Variants in AGK observed in about 807,000 individuals in gnomAD.
The protein encoded by AGK is acylglycerol kinase, mitochondrial.
A neutral mutation model predicts 66.4 loss-of-function variants in AGK; 52 were observed. The observed-to-expected ratio is 0.78, with a 90% CI of 0.63 to 0.99. The LOEUF (loss-of-function observed/expected upper bound fraction) is 0.99. AGK is among the 50% of genes least tolerant of loss of function. The pLI, the probability that AGK is intolerant of heterozygous loss-of-function variation, is 0.00. For synonymous variants in AGK, 182 were observed against 181.1 expected, an observed-to-expected ratio of 1.00 and a Z score of -0.04; for missense variants, 451 against 506.6, an observed-to-expected ratio of 0.89 and a Z score of 1.05.
chr7:141,574,343 A>G (rs935590416), intron 2 of AGK, among the ~76,000 whole-genome samples: 2 of 152,200 alleles, frequency 1.3e-5, no homozygotes, highest in Non-Finnish European at 2.9e-5. Context: ...CAGCATAAAC[A>G]TAGCAGCCAG....
chr7:141,651,995 C>A (rs1231491710), intron 15 of AGK, among the ~76,000 whole-genome samples: 1 of 152,054 alleles, frequency 6.6e-6, no homozygotes, highest in Non-Finnish European at 1.5e-5. Context: ...TATAAAGGAT[C>A]TGGAAGCAGT....
chr7:141,593,262 C>G, intron 3 of AGK, 77 bp downstream of exon 3: 1 of 1,303,468 alleles, frequency 7.7e-7, no homozygotes, highest in South Asian at 1.2e-5. Flanking sequence ...TTTCAGGGGA[C>G]TTGCACAGTG....
chr7:141,574,724 C>T (rs1191390444), intron 2 of AGK, among the ~76,000 whole-genome samples: 1 of 152,172 alleles, frequency 6.6e-6, no homozygotes, highest in Non-Finnish European at 1.5e-5. Context: ...TGGAGAAAAT[C>T]TGAGAAATTA....
intron 5 of AGK, among the ~76,000 whole-genome samples, chr7:141,602,281 C>T (rs909340855): frequency 3.3e-5 from 5 of 151,926 alleles, no homozygotes; most frequent in East Asian, 1.9e-4. Flanking sequence ...TGATCCCCCC[C>T]ACCTTGGCTT....
Position 141,653,141 on chromosome 7 carries a change from G to T in AGK, c.*217G>T, listed in dbSNP as rs1797605934. 3.8e-6 allele frequency: 2 copies of T among 532,538 alleles called. No homozygotes were observed. Among genetic ancestry groups the T allele is most frequent in the South Asian group, 4.9e-5 (2 of 40,982 alleles). 33.0% of individuals were successfully genotyped at this position (532,538 alleles called of 1,614,324 possible). A position where few individuals can be genotyped will look rare whatever the true frequency, so the allele number is the denominator to read the frequency against. On this transcript the variant is annotated 3_prime_UTR_variant, in exon 16 of 16. Transcript: ENST00000649286. Reference sequence around the variant, plus strand: ...ATTAGCGCATGTTTTATTTTGGTGTGACGGTTGGCCCTCCTAAACACGGAC... The same window carrying T: ...ATTAGCGCATGTTTTATTTTGGTGTTACGGTTGGCCCTCCTAAACACGGAC...
At chr7:141,623,400 AAAAG>A (rs1450885552) in intron 9 of AGK, among the ~76,000 whole-genome samples, 5 of 151,462 alleles carry the variant, frequency 3.3e-5, no homozygotes, top group Middle Eastern at 3.4e-3. Context: ...AAAGAAAAAA[AAAAG>A]AAAGAAAAAA....
At position 141,651,517 on chromosome 7, in the gene AGK, G is replaced by A. The variant is rs1396305653; in HGVS notation, c.1047-8G>A. The stretch of plus-strand genomic sequence containing the variant: ...TGGTCTTAAGCTTGCTTTTTCCTGT[G>A]CTCACAGAAGTCGAAAGGTGAGAAA... On this transcript the variant is annotated splice_region_variant and splice_polypyrimidine_tract_variant and intron_variant, in intron 14 of 15. Coordinates refer to ENST00000649286, the MANE Select transcript of AGK (RefSeq NM_018238.4). 4.3e-6 allele frequency: 7 copies of A among 1,614,018 alleles called. No homozygotes were observed. The highest frequency in any genetic ancestry group is 5.1e-6 in the Non-Finnish European group (6 of 1,179,974).
chr7:141,626,586 T>TAA (rs2116984411), intron 9 of AGK, among the ~76,000 whole-genome samples: 1 of 152,362 alleles, frequency 6.6e-6, no homozygotes, highest in East Asian at 1.9e-4. Flanking sequence ...GAGAAGGCTA[T>TAA]AACATCACCT....
At chr7:141,636,366 G>T (rs1367922919) in intron 10 of AGK, among the ~76,000 whole-genome samples, 2 of 152,128 alleles carry the variant, frequency 1.3e-5, no homozygotes, top group African/African-American at 4.8e-5. Context: ...TTGACCCATT[G>T]TATCCATAGA....
intron 9 of AGK, among the ~76,000 whole-genome samples, chr7:141,623,405 A>C (rs913741305): frequency 6.6e-6 from 1 of 151,050 alleles, no homozygotes; most frequent in African/African-American, 2.4e-5. Context: ...AAAAAAAAAG[A>C]AAGAAAAAAA....
At chr7:141,601,388 A>T (rs1485032404) in intron 5 of AGK, 108 bp downstream of exon 5, 2 of 805,510 alleles carry the variant, frequency 2.5e-6, no homozygotes, top group East Asian at 2.6e-5. Flanking sequence ...CAAAGAAATT[A>T]ATGTTGTATC....
intron 2 of AGK, among the ~76,000 whole-genome samples, chr7:141,591,534 G>C: frequency 6.6e-6 from 1 of 152,090 alleles, no homozygotes; most frequent in East Asian, 1.9e-4. Flanking sequence ...GCCTTTGACA[G>C]CAACTCTGGC....
chr7:141,599,724 C>G (rs902770040), intron 4 of AGK, among the ~76,000 whole-genome samples: 4 of 152,156 alleles, frequency 2.6e-5, no homozygotes, highest in Non-Finnish European at 5.9e-5. Flanking sequence ...GTACCACTAG[C>G]TCAGTGCTTT....
At chr7:141,597,849 C>T (rs1325366682) in intron 4 of AGK, among the ~76,000 whole-genome samples, 12 of 123,396 alleles carry the variant, frequency 9.7e-5, no homozygotes. Context: ...CATGATCGCG[C>T]AACTGCAGTC....
chr7:141,581,349 T>C (rs1795878105), intron 2 of AGK, among the ~76,000 whole-genome samples: 1 of 151,614 alleles, frequency 6.6e-6, no homozygotes, highest in Non-Finnish European at 1.5e-5. Context: ...GAGGGAGGTA[T>C]TGAGGATAGG....
Position 141,633,927 on chromosome 7 carries a change from A to G in AGK, c.615A>G (p.Ala205=), listed in dbSNP as rs1187407081. The change falls in exon 10 of 16, where the codon GCA becomes GCG. Residue 205 remains alanine, a synonymous_variant. Transcript: ENST00000649286. ...IKGEKEQPVF[A]MTGLRWGSFR... ...GTGAAAAGGAACAGCCTGTATTTGC[A>G]ATGACCGGCCTTCGATGGGGATCTT... 1.9e-6 allele frequency: 3 copies of G among 1,613,978 alleles called. No homozygotes were observed. The Admixed American group carries it at 5.0e-5, about 27-fold the overall frequency.
intron 5 of AGK, among the ~76,000 whole-genome samples, chr7:141,608,461 A>G (rs1050296033): frequency 2.0e-5 from 3 of 152,158 alleles, no homozygotes; most frequent in African/African-American, 7.2e-5. Context: ...GAAGCATGGT[A>G]AAGAGGCCAG....
chr7:141,570,272 A>G (rs1587071825), intron 2 of AGK, among the ~76,000 whole-genome samples: 1 of 152,102 alleles, frequency 6.6e-6, no homozygotes, highest in Non-Finnish European at 1.5e-5. Context: ...CTGTAATTCC[A>G]GCTACTCGGG....
intron 9 of AGK, among the ~76,000 whole-genome samples, chr7:141,632,579 A>G (rs1339386721): frequency 6.6e-6 from 1 of 152,158 alleles, no homozygotes; most frequent in African/African-American, 2.4e-5. Context: ...CTACTGGGAT[A>G]CTATCATCCC....
Sources: gnomAD v4.1 joint callset for allele counts (sites outside exome capture counted in the v4.1 genomes callset) on GRCh38, gnomAD v4.1.1 for gene constraint, MANE v1.5 for transcripts, NCBI Gene and HGNC (gene_info 2026-07-23, HGNC 2026-07-21) for gene names.